Variants in IKZF3 observed in about 807,000 individuals in gnomAD.
IKZF3 encodes the protein zinc finger protein Aiolos.
In IKZF3, 10 loss-of-function variants were observed where a neutral mutation model predicts 49.0. The observed-to-expected ratio is 0.20, with a 90% CI of 0.13 to 0.35. IKZF3 has a LOEUF of 0.35. Ranked by LOEUF, IKZF3 falls within the 10% of genes least tolerant of loss-of-function variation. IKZF3 has a pLI of 1.00. For missense variants in IKZF3, 498 were observed against 664.8 expected (o/e 0.75, Z 2.76); for synonymous variants, 209 against 228.2 (o/e 0.92, Z 0.76).
intron 1 of IKZF3, among the ~76,000 whole-genome samples, chr17:39,855,087 C>T (rs772081387): frequency 5.3e-5 from 8 of 152,074 alleles, no homozygotes; most frequent in Non-Finnish European, 1.0e-4. Flanking sequence ...TTTATGGAAT[C>T]CAGGGTTGCA....
intron 3 of IKZF3, among the ~76,000 whole-genome samples, 165 bp downstream of exon 3, chr17:39,829,222 T>A (rs1327446671): frequency 2.0e-5 from 3 of 152,240 alleles, no homozygotes; most frequent in Non-Finnish European, 4.4e-5. Flanking sequence ...AATTTGCTGA[T>A]AACCTACAAC....
intron 1 of IKZF3, among the ~76,000 whole-genome samples, chr17:39,849,952 T>A (rs1391612283): frequency 6.6e-6 from 1 of 150,906 alleles, no homozygotes; most frequent in Non-Finnish European, 1.5e-5. Context: ...TTGGAAACTC[T>A]TTGGCAATAT....
chr17:39,784,282 C>A (rs763257318), intron 6 of IKZF3, among the ~76,000 whole-genome samples: 3 of 152,136 alleles, frequency 2.0e-5, no homozygotes, highest in Non-Finnish European at 1.5e-5. Flanking sequence ...AAAATGCAGT[C>A]CATGTTCTTC....
chr17:39,774,731 A>G (rs1276985700), intron 7 of IKZF3, among the ~76,000 whole-genome samples: 1 of 152,236 alleles, frequency 6.6e-6, no homozygotes, highest in Non-Finnish European at 1.5e-5. Context: ...TGTATGATGA[A>G]TGAATGGACA....
chr17:39,822,449 C>T (rs1191338379), intron 3 of IKZF3, among the ~76,000 whole-genome samples: 2 of 152,202 alleles, frequency 1.3e-5, no homozygotes, highest in Non-Finnish European at 2.9e-5. Context: ...CTCACTCTCT[C>T]TTCTGCCACC....
chr17:39,864,154 C>T lies in IKZF3; in HGVS notation c.-28G>A, dbSNP rs779527072. ...CGCTGCCGGGCCGGGCTGGAGCTGC[C>T]GCTGTGGCTACTCGGCCTCTCCACG... On this transcript the variant is annotated 5_prime_UTR_variant, in exon 1 of 8. Coordinates refer to ENST00000346872, the MANE Select transcript of IKZF3 (RefSeq NM_012481.5). The T allele has an allele frequency of 1.1e-5, 17 of 1,611,716 alleles. No individual in the cohort carries two copies. The East Asian group carries it at 2.0e-4, about 19-fold the overall frequency.
At chr17:39,811,379 GAAGGAAGGAAGAAAGGACGGAAGGAAGA>G (rs1304175555) in intron 3 of IKZF3, among the ~76,000 whole-genome samples, 4 of 147,542 alleles carry the variant, frequency 2.7e-5, no homozygotes, top group Admixed American at 2.7e-4. Flanking sequence ...AAGAAGGAAG[GAAGGAAGGAAGAAAGGACGGAAGGAAGA>G]AAGGAAGGAA....
chr17:39,781,483 A>T (rs1269978456), intron 6 of IKZF3, among the ~76,000 whole-genome samples: 3 of 152,180 alleles, frequency 2.0e-5, no homozygotes, highest in Non-Finnish European at 4.4e-5. Context: ...GGGAATGTTT[A>T]CCTTTTATGC....
At chr17:39,767,170 C>T (rs1231688961) in intron 7 of IKZF3, among the ~76,000 whole-genome samples, 2 of 152,110 alleles carry the variant, frequency 1.3e-5, no homozygotes, top group African/African-American at 4.8e-5. Flanking sequence ...GTCTTTGTCC[C>T]TTTCCTAACG....
chr17:39,845,384 G>C (rs1311430286), intron 1 of IKZF3, among the ~76,000 whole-genome samples: 1 of 150,408 alleles, frequency 6.6e-6, no homozygotes, highest in Non-Finnish European at 1.5e-5. Context: ...AATTAGCCAG[G>C]CTTGGTAGCA....
chr17:39,794,392 G>A (rs771833278), intron 3 of IKZF3, among the ~76,000 whole-genome samples: 9 of 152,216 alleles, frequency 5.9e-5, no homozygotes, highest in Non-Finnish European at 1.0e-4. Context: ...AAAAACATCA[G>A]TAAGTGTTGC....
At chr17:39,815,685 C>T (rs1340828209) in intron 3 of IKZF3, among the ~76,000 whole-genome samples, 1 of 152,122 alleles carries the variant, frequency 6.6e-6, no homozygotes, top group Non-Finnish European at 1.5e-5. Flanking sequence ...AAAATAAAGA[C>T]TTGGGGATCT....
chr17:39,815,308 A>AT (rs1046110332), intron 3 of IKZF3, among the ~76,000 whole-genome samples: 4 of 152,242 alleles, frequency 2.6e-5, no homozygotes, highest in African/African-American at 9.6e-5. Flanking sequence ...CTTTTCCACT[A>AT]ATTTAAGCAC....
intron 7 of IKZF3, 59 bp downstream of exon 7, chr17:39,777,592 T>C (rs2143720221): frequency 8.4e-7 from 1 of 1,190,906 alleles, no homozygotes; most frequent in Non-Finnish European, 1.2e-6. Flanking sequence ...GCAAGCATCC[T>C]ATGTTATTTC....
intron 3 of IKZF3, among the ~76,000 whole-genome samples, chr17:39,820,792 G>T (rs193007155): frequency 1.3e-5 from 2 of 152,256 alleles, no homozygotes; most frequent in East Asian, 3.9e-4. Context: ...TCACCAGAAG[G>T]ACCTGGTAAT....
At chr17:39,852,434 T>C (rs568839978) in intron 1 of IKZF3, among the ~76,000 whole-genome samples, 1 of 152,344 alleles carries the variant, frequency 6.6e-6, no homozygotes, top group Non-Finnish European at 1.5e-5. Flanking sequence ...TTTGTCCTTA[T>C]CTTGCTTGAT....
chr17:39,848,260 T>C (rs754889242), intron 1 of IKZF3, among the ~76,000 whole-genome samples: 3 of 152,188 alleles, frequency 2.0e-5, no homozygotes, highest in Non-Finnish European at 4.4e-5. Flanking sequence ...GAGGAAACTG[T>C]AGACCGTGGG....
intron 2 of IKZF3, among the ~76,000 whole-genome samples, chr17:39,830,692 C>A (rs762420268): frequency 6.6e-6 from 1 of 152,144 alleles, no homozygotes; most frequent in Non-Finnish European, 1.5e-5. Context: ...TATCTAACTC[C>A]TTCCCAATCT....
chr17:39,847,057 A>T (rs566372739), intron 1 of IKZF3, among the ~76,000 whole-genome samples: 1 of 152,252 alleles, frequency 6.6e-6, no homozygotes, highest in Non-Finnish European at 1.5e-5. Flanking sequence ...TATCTTATCT[A>T]AAATGTTCAC....
Sources: gnomAD v4.1 joint callset for allele counts (sites outside exome capture counted in the v4.1 genomes callset) on GRCh38, gnomAD v4.1.1 for gene constraint, MANE v1.5 for transcripts, NCBI Gene and HGNC (gene_info 2026-07-23, HGNC 2026-07-21) for gene names.